SHCBP1L: variants seen among roughly 807,000 people sequenced by gnomAD.
SHCBP1L encodes the protein testicular spindle-associated protein SHCBP1L.
A neutral mutation model predicts 62.5 loss-of-function variants in SHCBP1L; 67 were observed. The ratio of observed to expected loss-of-function variants is 1.07; its 90% CI spans 0.88 to 1.31. The LOEUF (loss-of-function observed/expected upper bound fraction) is 1.31. Among genes scored for constraint, SHCBP1L ranks in the 40% most tolerant of loss-of-function variants. The pLI, the probability that SHCBP1L is intolerant of heterozygous loss-of-function variation, is 0.00. For synonymous variants in SHCBP1L, 284 were observed against 289.4 expected, an observed-to-expected ratio of 0.98 and a Z score of 0.19; for missense variants, 823 against 809.8, an observed-to-expected ratio of 1.02 and a Z score of -0.20.
At chr1:182,938,783 G>T (rs1335065318) in intron 5 of SHCBP1L, among the ~76,000 whole-genome samples, 1 of 152,122 alleles carries the variant, frequency 6.6e-6, no homozygotes, top group African/African-American at 2.4e-5. Context: ...CTGTCTTTGT[G>T]CTTCTTTTAA....
chr1:182,929,613 C>G, intron 6 of SHCBP1L, 34 bp downstream of exon 6: 1 of 1,416,404 alleles, frequency 7.1e-7, no homozygotes, highest in Non-Finnish European at 9.6e-7. Context: ...ACAGCTAATA[C>G]TTAAATAACA....
At chr1:182,936,986 C>T (rs1336239874) in intron 5 of SHCBP1L, among the ~76,000 whole-genome samples, 2 of 151,880 alleles carry the variant, frequency 1.3e-5, no homozygotes, top group African/African-American at 2.4e-5. Flanking sequence ...CCTGGGAAGT[C>T]GAGGCTGCAG....
intron 3 of SHCBP1L, among the ~76,000 whole-genome samples, chr1:182,939,951 A>G (rs1651302467): frequency 6.6e-6 from 1 of 152,166 alleles, no homozygotes; most frequent in Non-Finnish European, 1.5e-5. Flanking sequence ...ATAAGAAGCA[A>G]TCATAATGTG....
chr1:182,912,688 A>C (rs1458166013), intron 6 of SHCBP1L, among the ~76,000 whole-genome samples: 1 of 151,620 alleles, frequency 6.6e-6, no homozygotes, highest in Non-Finnish European at 1.5e-5. Flanking sequence ...ACACCCAGCA[A>C]ATTTTTGTAT....
chr1:182,946,975 G>A (rs1651586674), intron 2 of SHCBP1L, among the ~76,000 whole-genome samples: 1 of 152,114 alleles, frequency 6.6e-6, no homozygotes, highest in Non-Finnish European at 1.5e-5. Flanking sequence ...GGTGGCTTAC[G>A]CCTGTAATCT....
chr1:182,910,072 G>T (rs914074512), intron 6 of SHCBP1L, among the ~76,000 whole-genome samples: 1 of 152,322 alleles, frequency 6.6e-6, no homozygotes. Flanking sequence ...ATTCAGGAAG[G>T]AGAGAGTAGA....
At chr1:182,905,428 T>C in intron 7 of SHCBP1L, 68 bp downstream of exon 7, 1 of 1,424,944 alleles carries the variant, frequency 7.0e-7, no homozygotes, top group Non-Finnish European at 9.6e-7. Context: ...CCATTAAGCA[T>C]GTTTAGAATA....
intron 5 of SHCBP1L, among the ~76,000 whole-genome samples, chr1:182,931,686 G>A (rs1651000059): frequency 6.6e-6 from 1 of 151,954 alleles, no homozygotes; most frequent in East Asian, 1.9e-4. Flanking sequence ...TGTTCCCCCC[G>A]CACACACAAC....
intron 6 of SHCBP1L, among the ~76,000 whole-genome samples, chr1:182,918,215 T>A (rs558288022): frequency 6.8e-6 from 1 of 147,748 alleles, no homozygotes; most frequent in African/African-American, 2.5e-5. Flanking sequence ...TATATACACA[T>A]ATATATACAC....
rs746117204 is a variant in SHCBP1L at position 182,953,074 on chromosome 1, G to A, written c.60C>T (p.Asp20=). The A allele has an allele frequency of 3.9e-6, 6 of 1,555,114 alleles. No individual in the cohort carries two copies. The African/African-American group carries it at 5.4e-5, about 14-fold the overall frequency. ...CGGAGGCGGACTTCTCGCCTCGCCTGTCCGGGCTGATGGTGCGGAATGAGT... is the reference window on the plus strand; with the variant it reads ...CGGAGGCGGACTTCTCGCCTCGCCTATCCGGGCTGATGGTGCGGAATGAGT... ...PADSFRTISP[D]RRGEKSASAV... The change falls in exon 1 of 10, where the codon GAC becomes GAT. Residue 20 remains aspartate, a synonymous_variant. Transcript: ENST00000367547.
intron 6 of SHCBP1L, among the ~76,000 whole-genome samples, chr1:182,909,139 A>T (rs1238577785): frequency 1.3e-5 from 2 of 152,030 alleles, no homozygotes; most frequent in Non-Finnish European, 2.9e-5. Context: ...TATTTTTTTT[A>T]TTCACTGAAA....
rs762581367 is a variant in SHCBP1L at position 182,940,554 on chromosome 1, TATC to T, written c.556-14_556-12del. 1.4e-5 allele frequency: 22 copies of T among 1,607,638 alleles called. No homozygotes were observed. The highest frequency in any genetic ancestry group is 1.7e-5 in the Non-Finnish European group (20 of 1,175,314). On this transcript the variant is annotated splice_polypyrimidine_tract_variant and intron_variant, in intron 2 of 9. Coordinates refer to ENST00000367547, the MANE Select transcript of SHCBP1L (RefSeq NM_030933.4). ...TGGTTCACAAGTTACCTAAGATAAA[TATC>T]ATAAGAGATAAGAGATATAGTTATA... is the stretch of plus-strand genomic sequence containing the variant.
At chr1:182,947,026 C>T (rs1651588106) in intron 2 of SHCBP1L, among the ~76,000 whole-genome samples, 1 of 152,008 alleles carries the variant, frequency 6.6e-6, no homozygotes, top group Non-Finnish European at 1.5e-5. Context: ...CACCTGAGGT[C>T]AAGAGTTCGA....
At chr1:182,912,241 A>T (rs1165856785) in intron 6 of SHCBP1L, among the ~76,000 whole-genome samples, 1 of 152,236 alleles carries the variant, frequency 6.6e-6, no homozygotes, top group Non-Finnish European at 1.5e-5. Flanking sequence ...CAGGAGTTTG[A>T]GACCTGCCTG....
At chr1:182,910,677 G>T (rs1650152091) in intron 6 of SHCBP1L, among the ~76,000 whole-genome samples, 1 of 152,172 alleles carries the variant, frequency 6.6e-6, no homozygotes, top group African/African-American at 2.4e-5. Flanking sequence ...ATGCACTGCA[G>T]GGCTAGACGT....
chr1:182,941,429 C>T (rs1651362619), intron 2 of SHCBP1L, among the ~76,000 whole-genome samples: 1 of 151,884 alleles, frequency 6.6e-6, no homozygotes, highest in African/African-American at 2.4e-5. Flanking sequence ...AAAGTTATTC[C>T]AGTGACTTTC....
In SHCBP1L at chr1:182,940,489, C is replaced by T. The variant is rs984694728; in HGVS notation, c.610G>A (p.Val204Ile). Reference sequence around the variant, plus strand: ...ATGTTGGAAGAAAAGGGCTCAGCAACAGAAACAGTAACTTTGAAACGAGAT... The same window carrying T: ...ATGTTGGAAGAAAAGGGCTCAGCAATAGAAACAGTAACTTTGAAACGAGAT... ...SSSRFKVTVSVAEPFSSNIAN... is the reference protein window; with the variant it reads ...SSSRFKVTVSIAEPFSSNIAN... Residue 204 changes from valine (V) to isoleucine (I), a missense_variant, in exon 3 of 10, where the codon GTT (valine) becomes ATT (isoleucine). Physicochemically the swap from Val to Ile is conservative, Grantham distance 29. Coordinates refer to ENST00000367547, the MANE Select transcript of SHCBP1L (RefSeq NM_030933.4). 1.9e-6 allele frequency: 3 copies of T among 1,613,822 alleles called. No homozygotes were observed. Among genetic ancestry groups the T allele is most frequent in the South Asian group, 2.2e-5 (2 of 91,084 alleles).
intron 6 of SHCBP1L, among the ~76,000 whole-genome samples, chr1:182,924,975 A>AAAGAAAGAAAGAAAGAAAGAAAGAAAG (rs1491508466): frequency 7.8e-6 from 1 of 128,448 alleles, no homozygotes; most frequent in African/African-American, 3.8e-5. Flanking sequence ...AGAAAGAAAG[A>AAAGAAAGAAAGAAAGAAAGAAAGAAAG]AAAAAAAAGG....
chr1:182,913,972 A>T (rs1650273930), intron 6 of SHCBP1L, among the ~76,000 whole-genome samples: 1 of 152,110 alleles, frequency 6.6e-6, no homozygotes, highest in Non-Finnish European at 1.5e-5. Context: ...CAAGAGCAAA[A>T]CTCCATCTCA....
Sources: gnomAD v4.1 joint callset for allele counts (sites outside exome capture counted in the v4.1 genomes callset) on GRCh38, gnomAD v4.1.1 for gene constraint, MANE v1.5 for transcripts, NCBI Gene and HGNC (gene_info 2026-07-23, HGNC 2026-07-21) for gene names.